Variants in HOMER2 observed in about 807,000 individuals in gnomAD.
HOMER2 encodes homer protein homolog 2.
In HOMER2, 27 loss-of-function variants were observed where a neutral mutation model predicts 47.0. That is an observed-to-expected ratio of 0.57 (90% CI 0.42 to 0.79). The LOEUF (loss-of-function observed/expected upper bound fraction) is 0.79. HOMER2 is among the 30% of genes least tolerant of loss of function. HOMER2 has a pLI of 0.00. For synonymous variants in HOMER2, 161 were observed against 163.8 expected, an observed-to-expected ratio of 0.98 and a Z score of 0.13; for missense variants, 443 against 435.0, an observed-to-expected ratio of 1.02 and a Z score of -0.16.
chr15:82,956,094 G>T (rs934325074), upstream of HOMER2, among the ~76,000 whole-genome samples: 1 of 152,018 alleles, frequency 6.6e-6, no homozygotes, highest in African/African-American at 2.4e-5. Context: ...ACAAAACCTA[G>T]CCAGGCATGG....
intron 2 of HOMER2, among the ~76,000 whole-genome samples, chr15:82,879,423 G>A (rs1007212578): frequency 6.6e-6 from 1 of 152,160 alleles, no homozygotes; most frequent in Admixed American, 6.5e-5. Context: ...CTGGGGCTCC[G>A]GAGGTCAAGG....
intron 1 of HOMER2, among the ~76,000 whole-genome samples, chr15:82,907,068 T>C (rs1414588913): frequency 6.6e-6 from 1 of 152,068 alleles, no homozygotes; most frequent in Non-Finnish European, 1.5e-5. Flanking sequence ...GATGGACAGA[T>C]CCGAGGCTGG....
intron 1 of HOMER2, among the ~76,000 whole-genome samples, chr15:82,948,995 G>A (rs1316202439): frequency 6.6e-6 from 1 of 152,216 alleles, no homozygotes; most frequent in Non-Finnish European, 1.5e-5. Context: ...ATGGGGTGAG[G>A]TGAATGCACT....
At chr15:82,927,476 A>G (rs948037771) in intron 1 of HOMER2, among the ~76,000 whole-genome samples, 1 of 152,236 alleles carries the variant, frequency 6.6e-6, no homozygotes, top group Non-Finnish European at 1.5e-5. Context: ...TTCTATAGCG[A>G]TAAAGTGTTG....
intron 1 of HOMER2, among the ~76,000 whole-genome samples, chr15:82,984,138 T>C (rs1019795199): frequency 2.7e-5 from 4 of 150,688 alleles, no homozygotes; most frequent in African/African-American, 7.3e-5. Context: ...GTTCACGCCA[T>C]TCTCCTGCCT....
At chr15:82,955,080 C>T (rs1483295551), upstream of HOMER2, among the ~76,000 whole-genome samples, 1 of 146,352 alleles carries the variant, frequency 6.8e-6, no homozygotes, top group African/African-American at 2.5e-5. Flanking sequence ...CCGGCCCATT[C>T]TGTTCTATTT....
At chr15:82,981,373 C>G (rs1298082220) in intron 1 of HOMER2, among the ~76,000 whole-genome samples, 1 of 152,180 alleles carries the variant, frequency 6.6e-6, no homozygotes, top group Non-Finnish European at 1.5e-5. Flanking sequence ...TTGGGTCAAA[C>G]TAAGGTTTAA....
intron 3 of HOMER2, 52 bp from the exon 4 acceptor site, chr15:82,864,311 G>A: frequency 7.9e-7 from 1 of 1,262,582 alleles, no homozygotes; most frequent in Non-Finnish European, 1.1e-6. Context: ...CTCATGGCTG[G>A]TATTCAGAAC....
At chr15:82,965,609 G>T (rs951202010) in intron 1 of HOMER2, among the ~76,000 whole-genome samples, 12 of 152,082 alleles carry the variant, frequency 7.9e-5, no homozygotes, top group Admixed American at 5.9e-4. Context: ...AACCTCAGAC[G>T]TGTTACCTAA....
intron 1 of HOMER2, among the ~76,000 whole-genome samples, chr15:82,973,098 C>G (rs1033073584): frequency 6.6e-6 from 1 of 152,176 alleles, no homozygotes; most frequent in South Asian, 2.1e-4. Context: ...TCTCTTGAAC[C>G]CTGACAGGCT....
chr15:82,860,140 C>T (rs1006029450), intron 4 of HOMER2, among the ~76,000 whole-genome samples: 5 of 151,656 alleles, frequency 3.3e-5, no homozygotes, highest in Non-Finnish European at 7.4e-5. Flanking sequence ...CACAGCTGCT[C>T]GGGAGGCTGA....
chr15:82,966,757 C>T (rs1258065567), intron 1 of HOMER2, among the ~76,000 whole-genome samples: 1 of 152,166 alleles, frequency 6.6e-6, no homozygotes, highest in Non-Finnish European at 1.5e-5. Context: ...TTGTGGGTTA[C>T]AGTGAGCAAA....
intron 5 of HOMER2, among the ~76,000 whole-genome samples, chr15:82,856,938 T>C (rs1397328209): frequency 2.6e-5 from 4 of 152,204 alleles, no homozygotes; most frequent in African/African-American, 4.8e-5. Context: ...GAAGGTTTAC[T>C]AGCCATGTGA....
chr15:82,915,009 C>CA (rs1459280359), intron 1 of HOMER2, among the ~76,000 whole-genome samples: 2 of 151,906 alleles, frequency 1.3e-5, no homozygotes, highest in Non-Finnish European at 2.9e-5. Flanking sequence ...CATAATGTGA[C>CA]AAAAAATACA....
At chr15:82,836,111 G>T (rs943560800), downstream of HOMER2, 1 of 152,216 alleles carries the variant, frequency 6.6e-6, no homozygotes, top group African/African-American at 2.4e-5. Context: ...TGGCCCAATT[G>T]TGTCTTCTGT....
At chr15:82,863,478 C>A (rs759403340) in intron 4 of HOMER2, among the ~76,000 whole-genome samples, 16 of 152,212 alleles carry the variant, frequency 1.1e-4, no homozygotes, top group Non-Finnish European at 1.6e-4. Context: ...CAGCTGCCAG[C>A]AGGCAGACTC....
intron 1 of HOMER2, chr15:82,952,147 A>T: frequency 9.5e-6 from 6 of 630,734 alleles, no homozygotes; most frequent in Non-Finnish European, 1.2e-5. Context: ...AATAAATCCA[A>T]ACGTGGAGAA....
chr15:82,877,448 C>G (rs1305722374), intron 2 of HOMER2, among the ~76,000 whole-genome samples: 2 of 152,136 alleles, frequency 1.3e-5, no homozygotes, highest in African/African-American at 4.8e-5. Context: ...GGATTACAGT[C>G]GTGAACCACC....
chr15:82,953,691 G>T (rs2054552881), upstream of HOMER2, among the ~76,000 whole-genome samples: 1 of 152,126 alleles, frequency 6.6e-6, no homozygotes, highest in Admixed American at 6.6e-5. Context: ...GGCTAACACG[G>T]TGAAACCCCG....
Sources: gnomAD v4.1 joint callset for allele counts (sites outside exome capture counted in the v4.1 genomes callset) on GRCh38, gnomAD v4.1.1 for gene constraint, MANE v1.5 for transcripts, NCBI Gene and HGNC (gene_info 2026-07-23, HGNC 2026-07-21) for gene names.